The following PCNX1 variants were observed in gnomAD, a reference collection of about 807,000 sequenced individuals.
PCNX1 encodes the protein pecanex-like protein 1.
PCNX1 carries 78 observed loss-of-function variants against 242.2 expected under a neutral mutation model. The ratio of observed to expected loss-of-function variants is 0.32; its 90% CI spans 0.27 to 0.39. The LOEUF (loss-of-function observed/expected upper bound fraction) is 0.39, where lower values mean the gene tolerates loss of function less well. Among genes scored for constraint, PCNX1 ranks in the 10% least tolerant of loss-of-function variants. The pLI, the probability that PCNX1 is intolerant of heterozygous loss-of-function variation, is 1.00. For missense variants in PCNX1, 2,581 were observed against 2,856.5 expected, an observed-to-expected ratio of 0.90 and a Z score of 2.20; for synonymous variants, 1,024 against 1,032.9, an observed-to-expected ratio of 0.99 and a Z score of 0.17.
Position 70,925,568 on chromosome 14 carries a change from C to CTT in PCNX1, c.153+17585_153+17586dup, listed in dbSNP as rs71305848. Among the ~76,000 whole-genome samples the CTT allele has an allele frequency of 1.9e-3, 208 of 106,878 alleles. 4 individuals carry two copies. Among genetic ancestry groups the CTT allele is most frequent in the African/African-American group, 5.3e-3 (144 of 27,018 alleles). The allele number at this position is 106,878 out of a possible 152,430, so 70.1% of individuals were successfully genotyped here. On this transcript the variant is annotated intron_variant, in intron 1 of 35. Transcript: ENST00000304743. Reference sequence around the variant, plus strand: ...GGCTCACAAATCTCACTTACCTCATCTTTTTTTTTTTTTTTTTTTTTCATG... The same window carrying CTT: ...GGCTCACAAATCTCACTTACCTCATCTTTTTTTTTTTTTTTTTTTTTTTCATG...
intron 2 of PCNX1, among the ~76,000 whole-genome samples, chr14:70,948,669 CTATATAGATGTGTATATATACACGTGTA>C (rs1458374247): frequency 2.9e-5 from 4 of 137,342 alleles, no homozygotes; most frequent in Non-Finnish European, 3.3e-5. Context: ...ATACACGTGT[CTATATAGATGTGTATATATACACGTGTA>C]TATATACACA....
intron 18 of PCNX1, among the ~76,000 whole-genome samples, chr14:71,034,393 T>C (rs1213716826): frequency 1.3e-5 from 2 of 152,154 alleles, no homozygotes; most frequent in Non-Finnish European, 2.9e-5. Context: ...GTTCATCTTG[T>C]TGTTGAAAAA....
At chr14:71,054,913 A>T (rs2061139581) in intron 24 of PCNX1, among the ~76,000 whole-genome samples, 1 of 152,194 alleles carries the variant, frequency 6.6e-6, no homozygotes, top group Non-Finnish European at 1.5e-5. Context: ...AGGGTAGAAC[A>T]GTTTGGTGCT....
In PCNX1 at chr14:71,076,203, T is replaced by C. The variant is rs1192410236; in HGVS notation, c.5121T>C (p.Tyr1707=). The C allele has an allele frequency of 3.1e-6, 5 of 1,606,148 alleles. No individual in the cohort carries two copies. The highest frequency in any genetic ancestry group is 2.2e-5 in the East Asian group (1 of 44,822). The part of the protein sequence containing the change: ...TTYYVKGIIY[Y]VTTSSKLEEW... ...GTTCATGTTAGGGTATCATTTATTA[T>C]GTTACGACCTCGTCTAAGCTAGAGG... Residue 1707 remains tyrosine (Y), a synonymous_variant, in exon 28 of 36, where the codon TAT becomes TAC. Coordinates refer to ENST00000304743, the MANE Select transcript of PCNX1 (RefSeq NM_014982.3).
intron 33 of PCNX1, 31 bp downstream of exon 33, chr14:71,105,471 T>C: frequency 6.6e-7 from 1 of 1,519,566 alleles, no homozygotes; most frequent in Non-Finnish European, 9.1e-7. Context: ...ATGTCTAATG[T>C]TAGCTTCTTA....
intron 11 of PCNX1, among the ~76,000 whole-genome samples, chr14:71,018,750 A>G (rs2060021229): frequency 6.6e-6 from 1 of 152,220 alleles, no homozygotes; most frequent in Non-Finnish European, 1.5e-5. Context: ...CATTTTTAAA[A>G]TAGAAATTTA....
intron 1 of PCNX1, among the ~76,000 whole-genome samples, chr14:70,915,306 A>C (rs768606601): frequency 1.4e-4 from 22 of 152,158 alleles, no homozygotes; most frequent in Non-Finnish European, 2.4e-4. Context: ...TTCTCTTTCC[A>C]AATAAGACCA....
intron 30 of PCNX1, among the ~76,000 whole-genome samples, chr14:71,092,208 C>T (rs1267578111): frequency 2.0e-5 from 3 of 152,208 alleles, no homozygotes; most frequent in Non-Finnish European, 4.4e-5. Context: ...AAAGAAAATT[C>T]GTGAAGCTTC....
intron 1 of PCNX1, among the ~76,000 whole-genome samples, chr14:70,929,465 G>T (rs1285155378): frequency 2.0e-5 from 3 of 152,112 alleles, no homozygotes; most frequent in Non-Finnish European, 4.4e-5. Flanking sequence ...GTGTGTGTTT[G>T]TAGCAACATG....
chr14:71,073,444 C>A, intron 26 of PCNX1, 101 bp from the exon 27 acceptor site: 1 of 1,123,100 alleles, frequency 8.9e-7, no homozygotes, highest in Non-Finnish European at 1.3e-6. Flanking sequence ...CTTTCAATTG[C>A]AATAAAATAT....
intron 2 of PCNX1, among the ~76,000 whole-genome samples, chr14:70,954,250 T>C (rs776931690): frequency 4.2e-4 from 64 of 152,260 alleles, no homozygotes; most frequent in Non-Finnish European, 7.2e-4. Context: ...CTCTCTGTTC[T>C]GTTCTGTTCT....
intron 27 of PCNX1, among the ~76,000 whole-genome samples, chr14:71,074,402 A>G (rs2061660644): frequency 6.6e-6 from 1 of 152,248 alleles, no homozygotes; most frequent in Non-Finnish European, 1.5e-5. Context: ...GGAACTCAGC[A>G]AAGTTGTCAT....
intron 11 of PCNX1, among the ~76,000 whole-genome samples, chr14:71,014,603 G>A (rs1443737615): frequency 6.6e-6 from 1 of 152,154 alleles, no homozygotes; most frequent in Non-Finnish European, 1.5e-5. Context: ...TACTGGATGG[G>A]ATTAATGGTA....
At chr14:71,035,595 A>G (rs1198548603) in intron 18 of PCNX1, among the ~76,000 whole-genome samples, 2 of 150,092 alleles carry the variant, frequency 1.3e-5, no homozygotes, top group Non-Finnish European at 3.0e-5. Flanking sequence ...CCCTGTCTCT[A>G]CTAAAAATAC....
At chr14:71,085,544 C>G (rs1036921863) in intron 28 of PCNX1, 1 of 153,298 alleles carries the variant, frequency 6.5e-6, no homozygotes, top group Non-Finnish European at 1.5e-5. Context: ...AGGGGGGACC[C>G]CAGCTGTAAC....
At chr14:70,953,469 G>T (rs2057867867) in intron 2 of PCNX1, among the ~76,000 whole-genome samples, 1 of 151,176 alleles carries the variant, frequency 6.6e-6, no homozygotes, top group Non-Finnish European at 1.5e-5. Context: ...ATGATTAATA[G>T]GAATTTTTTA....
Position 71,109,778 on chromosome 14 carries a change from T to G in PCNX1, c.6886-17T>G, listed in dbSNP as rs757536343. 1.2e-6 allele frequency: 2 copies of G among 1,613,384 alleles called. No homozygotes were observed. The highest frequency in any genetic ancestry group is 1.1e-5 in the South Asian group (1 of 91,068). ...AGGTCTCCAGTGCTAACTTCTTGTT[T>G]TATTCTGAATCATTAGGTGATTCAC... On this transcript the variant is annotated splice_polypyrimidine_tract_variant and intron_variant, in intron 35 of 35. Coordinates refer to ENST00000304743, the MANE Select transcript of PCNX1 (RefSeq NM_014982.3).
At chr14:71,013,970 G>A (rs2059891696) in intron 11 of PCNX1, among the ~76,000 whole-genome samples, 1 of 152,182 alleles carries the variant, frequency 6.6e-6, no homozygotes, top group South Asian at 2.1e-4. Flanking sequence ...GATCTGCATT[G>A]AGTCACCTTG....
intron 6 of PCNX1, among the ~76,000 whole-genome samples, chr14:70,979,825 A>G (rs889174621): frequency 6.6e-6 from 1 of 152,124 alleles, no homozygotes; most frequent in Admixed American, 6.5e-5. Context: ...ACGTAAAGAA[A>G]TTTTCTAGTA....
Sources: allele counts gnomAD v4.1 joint callset (sites outside exome capture counted in the v4.1 genomes callset), GRCh38; gene constraint gnomAD v4.1.1; transcripts MANE v1.5; gene names NCBI Gene and HGNC (gene_info 2026-07-23, HGNC 2026-07-21).